Variants in DOCK5 observed in about 807,000 individuals in gnomAD.
DOCK5 encodes dedicator of cytokinesis 5.
Under a neutral mutation model 251.8 loss-of-function variants are expected in DOCK5, and 142 were observed. The observed-to-expected ratio is 0.56, with a 90% CI of 0.49 to 0.65. The LOEUF is 0.65. Among genes scored for constraint, DOCK5 ranks in the 30% least tolerant of loss-of-function variants. The pLI is 0.00. For missense variants in DOCK5, 2,111 were observed against 2,312.3 expected (o/e 0.91, Z 1.79); for synonymous variants, 842 against 835.5 (o/e 1.01, Z -0.13).
At chr8:25,233,114 C>T (rs1338929033) in intron 1 of DOCK5, among the ~76,000 whole-genome samples, 2 of 152,120 alleles carry the variant, frequency 1.3e-5, no homozygotes, top group Non-Finnish European at 2.9e-5. Flanking sequence ...CTCCACTCTC[C>T]TGGTCTCAGA....
rs573793156 is a variant in DOCK5 at position 25,337,420 on chromosome 8, G to T, written c.2327+1047G>T. On this transcript the variant is annotated intron_variant, in intron 22 of 51. Coordinates refer to ENST00000276440, the MANE Select transcript of DOCK5 (RefSeq NM_024940.8). ...AAAAACAAAAAAGAAGATTTTTAAG[G>T]GAAAGGAAAAAGTGTCACATTTGTC... Among the ~76,000 whole-genome samples the T allele has an allele frequency of 1.3e-4, 19 of 151,688 alleles. 1 individual carries two copies. The highest frequency in any genetic ancestry group is 4.6e-4 in the African/African-American group (19 of 41,384).
intron 1 of DOCK5, among the ~76,000 whole-genome samples, chr8:25,220,641 T>C (rs1040388593): frequency 6.6e-6 from 1 of 152,156 alleles, no homozygotes; most frequent in Non-Finnish European, 1.5e-5. Context: ...AGACAGAGCC[T>C]TGCTGTGTCG....
At chr8:25,198,236 G>A (rs1801783556) in intron 1 of DOCK5, among the ~76,000 whole-genome samples, 1 of 152,102 alleles carries the variant, frequency 6.6e-6, no homozygotes, top group Non-Finnish European at 1.5e-5. Context: ...GGAACAATGC[G>A]GCTCTCATGA....
chr8:25,237,350 A>G (rs930788371), intron 1 of DOCK5, among the ~76,000 whole-genome samples: 3 of 152,152 alleles, frequency 2.0e-5, no homozygotes, highest in African/African-American at 7.2e-5. Context: ...GGCCTGGTTG[A>G]TAGAGTGAGA....
intron 16 of DOCK5, 105 bp from the exon 17 acceptor site, chr8:25,323,743 A>G: frequency 7.9e-7 from 1 of 1,268,236 alleles, no homozygotes; most frequent in Non-Finnish European, 1.1e-6. Flanking sequence ...GCTTATTAGA[A>G]TATGGTTGAA....
At chr8:25,312,684 AC>A (rs1805133091) in intron 13 of DOCK5, among the ~76,000 whole-genome samples, 1 of 145,766 alleles carries the variant, frequency 6.9e-6, no homozygotes, top group South Asian at 2.2e-4. Context: ...AATTGCTTGA[AC>A]CCGGGAGGCG....
intron 39 of DOCK5, 56 bp from the exon 40 acceptor site, chr8:25,382,618 T>G (rs775467053): frequency 2.4e-5 from 33 of 1,386,734 alleles, no homozygotes; most frequent in Non-Finnish European, 3.1e-5. Context: ...GACTTTTTTT[T>G]TCCCCCAACT....
intron 7 of DOCK5, 85 bp downstream of exon 7, chr8:25,296,733 A>G (rs1804625230): frequency 6.5e-7 from 1 of 1,533,766 alleles, no homozygotes; most frequent in Admixed American, 2.0e-5. Flanking sequence ...AATCATTGAG[A>G]ACAAAACTAC....
chr8:25,217,503 C>T (rs1255942718), intron 1 of DOCK5, among the ~76,000 whole-genome samples: 3 of 152,154 alleles, frequency 2.0e-5, no homozygotes, highest in African/African-American at 7.2e-5. Flanking sequence ...ATTCTTCTTT[C>T]TGTGCCAGCT....
intron 2 of DOCK5, among the ~76,000 whole-genome samples, chr8:25,264,719 G>A (rs1384321122): frequency 6.6e-6 from 1 of 151,778 alleles, no homozygotes; most frequent in African/African-American, 2.4e-5. Context: ...CCCAGCTACT[G>A]AGAAGGATGA....
chr8:25,308,352 C>G (rs981317301), intron 11 of DOCK5, among the ~76,000 whole-genome samples: 5 of 152,070 alleles, frequency 3.3e-5, no homozygotes, highest in Non-Finnish European at 7.4e-5. Context: ...GCATGCGATC[C>G]CAGCCCATCT....
In DOCK5 at chr8:25,399,977, C is replaced by G; in HGVS notation, c.4771C>G (p.Arg1591Gly). The G allele has an allele frequency of 6.2e-7, 1 of 1,613,500 alleles. No homozygotes were observed. Among genetic ancestry groups the G allele is most frequent in the Non-Finnish European group, 8.5e-7 (1 of 1,179,694 alleles). Residue 1591 changes from arginine (R) to glycine (G), a missense_variant, in exon 46 of 52, where the codon CGA becomes GGA. Physicochemically the swap from Arg to Gly is moderately radical, Grantham distance 125. This residue lies in a region of DOCK5 where 1,717 missense variants were observed against 1,892.4 expected (regional missense o/e 0.91). Coordinates refer to ENST00000276440, the MANE Select transcript of DOCK5 (RefSeq NM_024940.8). The part of the protein sequence containing the change: ...EDQEKVELLK[R>G]LIALQMPLLT... ...CCAGGAGAAGGTTGAGCTGCTAAAG[C>G]GACTAATAGCATTACAGGTACAGGA...
In DOCK5 at chr8:25,411,470, G is replaced by A. The variant is rs1470273315; in HGVS notation, c.*172G>A. On this transcript the variant is annotated 3_prime_UTR_variant, in exon 52 of 52. Coordinates refer to ENST00000276440, the MANE Select transcript of DOCK5 (RefSeq NM_024940.8). The stretch of plus-strand genomic sequence containing the variant: ...TTCTTCCAAAAGCTTCTCTTTGATA[G>A]AATTTTGAGGCCATGCCACCTCCCT... The A allele has an allele frequency of 1.0e-6, 1 of 973,050 alleles. No individual in the cohort carries two copies. The highest frequency in any genetic ancestry group is 1.4e-6 in the Non-Finnish European group (1 of 735,186). The allele number at this position is 973,050 out of a possible 1,614,324, so 60.3% of individuals were successfully genotyped here.
chr8:25,225,756 C>A (rs1802516322), intron 1 of DOCK5, among the ~76,000 whole-genome samples: 1 of 151,470 alleles, frequency 6.6e-6, no homozygotes, highest in African/African-American at 2.4e-5. Context: ...ATGGATGAAC[C>A]TTGAGGACGT....
chr8:25,268,888 A>G lies in DOCK5; in HGVS notation c.168+3A>G. Reference sequence around the variant, plus strand: ...CCCTCCAAAATAAATCTAAAAAGGTATGACTTATCATTCACTTTTTAATTT... The same window carrying G: ...CCCTCCAAAATAAATCTAAAAAGGTGTGACTTATCATTCACTTTTTAATTT... On this transcript the variant is annotated splice_donor_region_variant and intron_variant, in intron 3 of 51. Transcript: ENST00000276440. 1 of 1,557,814 alleles carries G rather than the reference A, an allele frequency of 6.4e-7. No individual in the cohort carries two copies. Among genetic ancestry groups the G allele is most frequent in the Non-Finnish European group, 8.7e-7 (1 of 1,153,740 alleles).
chr8:25,323,160 C>T (rs1330840999), intron 16 of DOCK5, among the ~76,000 whole-genome samples: 1 of 152,164 alleles, frequency 6.6e-6, no homozygotes. Context: ...GAGAGAGGAG[C>T]TCTGCCTCCT....
In DOCK5 at chr8:25,368,846, C is replaced by T. The variant is rs1249945449; in HGVS notation, c.3438+121C>T. ...GCAAGTCCATGTTGATCTGAAAGTT[C>T]ACTTTACATTTCATTTTATAAAGCA... On this transcript the variant is annotated intron_variant, in intron 33 of 51. Transcript: ENST00000276440. 3.6e-6 allele frequency: 4 copies of T among 1,104,752 alleles called. No individual in the cohort carries two copies. The East Asian group carries it at 8.4e-5, about 23-fold the overall frequency. 68.4% of individuals were successfully genotyped at this position (1,104,752 alleles called of 1,614,324 possible).
intron 46 of DOCK5, 34 bp from the exon 47 acceptor site, chr8:25,400,895 G>A (rs1009284823): frequency 6.2e-7 from 1 of 1,611,568 alleles, no homozygotes; most frequent in African/African-American, 1.3e-5. Context: ...TCTTCCTGAA[G>A]CACACTGCAC....
chr8:25,250,195 G>A (rs1803229648), intron 2 of DOCK5, among the ~76,000 whole-genome samples: 2 of 152,128 alleles, frequency 1.3e-5, no homozygotes, highest in Admixed American at 1.3e-4. Context: ...AGATGAACGA[G>A]CTTCTATCCA....
Sources: gnomAD v4.1 joint callset for allele counts (sites outside exome capture counted in the v4.1 genomes callset) on GRCh38, gnomAD v4.1.1 for gene constraint, gnomAD v4.1.1 regional missense constraint, MANE v1.5 for transcripts, NCBI Gene and HGNC (gene_info 2026-07-23, HGNC 2026-07-21) for gene names.